The following DCHS2 variants were observed in gnomAD, a reference collection of about 807,000 sequenced individuals.
DCHS2 encodes protocadherin-23.
DCHS2 carries 142 observed loss-of-function variants against 182.4 expected under a neutral mutation model. The ratio of observed to expected loss-of-function variants is 0.78; its 90% confidence interval spans 0.68 to 0.89. The LOEUF (loss-of-function observed/expected upper bound fraction) is 0.89. Among genes scored for constraint, DCHS2 ranks in the 40% least tolerant of loss-of-function variants. The pLI is 0.00. For synonymous variants in DCHS2, 1,740 were observed against 1,663.3 expected, an observed-to-expected ratio of 1.05 and a Z score of -1.12; for missense variants, 4,319 against 4,198.6, an observed-to-expected ratio of 1.03 and a Z score of -0.79.
chr4:154,293,853 C>G (rs886646166), intron 13 of DCHS2, among the ~76,000 whole-genome samples: 1 of 152,190 alleles, frequency 6.6e-6, no homozygotes, highest in African/African-American at 2.4e-5. Context: ...CCAGATGAGA[C>G]GCTTGGTCGC....
In DCHS2 at chr4:154,419,582, G is replaced by A. The variant is rs143382251; in HGVS notation, c.2053-42138C>T. On this transcript the variant is annotated intron_variant, in intron 1 of 19. Transcript: ENST00000357232. ...AGGAGAATCGTTGAACCTGGAAGGCGGAGGTTGCAGTGAGCCGAGATCACA... is the reference window on the plus strand; with the variant it reads ...AGGAGAATCGTTGAACCTGGAAGGCAGAGGTTGCAGTGAGCCGAGATCACA... Among the ~76,000 whole-genome samples, 391 of 145,134 alleles carry A rather than the reference G, an allele frequency of 2.7e-3. 1 individual carries two copies. Among genetic ancestry groups the A allele is most frequent in the African/African-American group, 9.6e-3 (373 of 38,736 alleles).
intron 16 of DCHS2, 129 bp downstream of exon 16, chr4:154,255,387 TCAA>T: frequency 8.0e-7 from 1 of 1,248,306 alleles, no homozygotes; most frequent in South Asian, 2.3e-5. Flanking sequence ...AAAGAGAATA[TCAA>T]CAAGTTGGAT....
chr4:154,479,661 C>T (rs889569798), intron 1 of DCHS2, among the ~76,000 whole-genome samples: 1 of 152,176 alleles, frequency 6.6e-6, no homozygotes, highest in African/African-American at 2.4e-5. Context: ...TTAAAATCTA[C>T]TAAGAATCAA....
At chr4:154,304,935 T>C (rs1425018961) in intron 11 of DCHS2, 57 bp from the exon 12 acceptor site, 3 of 1,538,770 alleles carry the variant, frequency 1.9e-6, no homozygotes, top group Non-Finnish European at 1.7e-6. Context: ...ACCTAAAATA[T>C]GTTGTTCTAA....
intron 1 of DCHS2, among the ~76,000 whole-genome samples, chr4:154,457,555 A>C (rs1734819263): frequency 1.3e-5 from 2 of 152,196 alleles, no homozygotes; most frequent in Admixed American, 1.3e-4. Flanking sequence ...TCCCCAAAAC[A>C]GCCATGCAAA....
intron 1 of DCHS2, among the ~76,000 whole-genome samples, chr4:154,432,505 G>A (rs1579077498): frequency 6.6e-6 from 1 of 152,248 alleles, no homozygotes; most frequent in African/African-American, 2.4e-5. Context: ...GGAGTTAAAG[G>A]TCTTACATTG....
chr4:154,407,702 G>T (rs1323990506), intron 1 of DCHS2, among the ~76,000 whole-genome samples: 2 of 152,132 alleles, frequency 1.3e-5, no homozygotes, highest in African/African-American at 4.8e-5. Context: ...CTCCCCCTCA[G>T]TCTTGGTACA....
At chr4:154,405,890 A>C (rs1252292739) in intron 1 of DCHS2, among the ~76,000 whole-genome samples, 1 of 152,208 alleles carries the variant, frequency 6.6e-6, no homozygotes, top group African/African-American at 2.4e-5. Flanking sequence ...ATTGTGAGTG[A>C]TACATTGTAA....
In DCHS2 at chr4:154,491,079, C is replaced by A. The variant is rs1009329012; in HGVS notation, c.277G>T (p.Ala93Ser). Residue 93 changes from alanine to serine, a missense_variant, in exon 1 of 20, where the codon GCG becomes TCG. Transcript: ENST00000357232. ...VGDIRAGLPA[A>S]QQQEGSGFFL... ...AAGCCGCTCCCCTCCTGCTGCTGCG[C>A]GGCCGGCAGCCCGGCGCGGATGTCA... The A allele has an allele frequency of 2.6e-6, 4 of 1,551,316 alleles. No homozygotes were observed. The highest frequency in any genetic ancestry group is 1.2e-5 in the South Asian group (1 of 84,050).
In DCHS2 at chr4:154,236,060, T is replaced by C; in HGVS notation, c.8592A>G (p.Leu2864=). The C allele has an allele frequency of 6.2e-7, 1 of 1,613,804 alleles. No individual in the cohort carries two copies. Among genetic ancestry groups the C allele is most frequent in the South Asian group, 1.1e-5 (1 of 91,070 alleles). The part of the protein sequence containing the change: ...AKDKGDATAS[L]VVWVDIEGID... ...TCCCTTCAATATCCACCCAGACCAC[T>C]AAGGAGGCAGTTGCATCACCTTTGT... Residue 2864 remains leucine, a synonymous_variant, in exon 20 of 20, where the codon TTA becomes TTG. Coordinates refer to ENST00000357232, the MANE Select transcript of DCHS2 (RefSeq NM_001358235.2).
chr4:154,239,287 A>T lies in DCHS2; in HGVS notation c.7375T>A (p.Ser2459Thr). ...QDFYQVTVPE[S>T]IPVGYSVLTL... ...AGCACTGAATACCCCACAGGTATTG[A>T]TTCAGGAACTGTGACCTGAGGGAAA... Residue 2459 changes from serine (S) to threonine (T), a missense_variant, in exon 19 of 20, where the codon TCA (serine) becomes ACA (threonine). Physicochemically the swap from Ser to Thr is moderately conservative, Grantham distance 58. Coordinates refer to ENST00000357232, the MANE Select transcript of DCHS2 (RefSeq NM_001358235.2). The T allele has an allele frequency of 6.2e-7, 1 of 1,612,540 alleles. No homozygotes were observed. The highest frequency in any genetic ancestry group is 1.1e-5 in the South Asian group (1 of 90,814).
intron 1 of DCHS2, among the ~76,000 whole-genome samples, chr4:154,416,280 G>A (rs189605800): frequency 1.3e-5 from 2 of 152,264 alleles, no homozygotes; most frequent in Admixed American, 1.3e-4. Flanking sequence ...AGAAACAGAG[G>A]AGCACAGCTG....
chr4:154,302,962 C>A lies in DCHS2; in HGVS notation c.5605+1707G>T, dbSNP rs367586672. ...ACACACACACACACACACACACACA[C>A]ACACACCCACACACACACATATTTT... On this transcript the variant is annotated intron_variant, in intron 12 of 19. Transcript: ENST00000357232. Among the ~76,000 whole-genome samples the A allele has an allele frequency of 5.3e-5, 3 of 56,392 alleles. 1 individual carries two copies. In the African/African-American group the frequency reaches 5.7e-4, roughly 11 times the overall value. The allele number at this position is 56,392 out of a possible 152,430, so 37.0% of individuals were successfully genotyped here.
Position 154,237,065 on chromosome 4 carries a change from C to G in DCHS2, c.7587G>C (p.Leu2529=). ...VEASDGGNPD[L]RALTLVEIGI... is the part of the protein sequence containing the mutation. ...CTATCTCCACTAAAGTAAGAGCTCT[C>G]AGGTCAGGATTTCCACCATCACTGG... Residue 2529 remains leucine, a synonymous_variant, in exon 20 of 20, where the codon CTG becomes CTC. Coordinates refer to ENST00000357232, the MANE Select transcript of DCHS2 (RefSeq NM_001358235.2). The G allele has an allele frequency of 6.2e-7, 1 of 1,613,872 alleles. No homozygotes were observed. Among genetic ancestry groups the G allele is most frequent in the Non-Finnish European group, 8.5e-7 (1 of 1,179,906 alleles).
chr4:154,406,807 T>C (rs1732420963), intron 1 of DCHS2, among the ~76,000 whole-genome samples: 1 of 152,222 alleles, frequency 6.6e-6, no homozygotes, highest in African/African-American at 2.4e-5. Flanking sequence ...AATTTCCCAA[T>C]GGCATCTGAC....
intron 3 of DCHS2, among the ~76,000 whole-genome samples, chr4:154,363,136 T>C (rs997735457): frequency 6.6e-6 from 1 of 152,152 alleles, no homozygotes; most frequent in East Asian, 1.9e-4. Context: ...GTTACAGTCA[T>C]TATGGAAAAC....
At chr4:154,358,290 T>G (rs752529218) in intron 3 of DCHS2, among the ~76,000 whole-genome samples, 6 of 152,222 alleles carry the variant, frequency 3.9e-5, no homozygotes, top group Non-Finnish European at 7.4e-5. Flanking sequence ...CCTGCAAGGT[T>G]GTGCTCAAGT....
chr4:154,397,618 C>T (rs933626761), intron 1 of DCHS2, among the ~76,000 whole-genome samples: 1 of 152,132 alleles, frequency 6.6e-6, no homozygotes, highest in African/African-American at 2.4e-5. Context: ...TTAGTGGGTA[C>T]CTTTTCCCTA....
chr4:154,290,626 C>T (rs1407083115), intron 13 of DCHS2, among the ~76,000 whole-genome samples: 1 of 151,844 alleles, frequency 6.6e-6, no homozygotes, highest in Non-Finnish European at 1.5e-5. Flanking sequence ...AATCCAGAAA[C>T]AAATCCAGAC....
Sources: allele counts gnomAD v4.1 joint callset (sites outside exome capture counted in the v4.1 genomes callset), GRCh38; gene constraint gnomAD v4.1.1; transcripts MANE v1.5; gene names NCBI Gene and HGNC (gene_info 2026-07-23, HGNC 2026-07-21).